The following MSN variants were observed in gnomAD, a reference collection of about 807,000 sequenced individuals.
MSN encodes the protein moesin.
MSN carries 2 observed loss-of-function variants against 48.0 expected under a neutral mutation model. That is an observed-to-expected ratio of 0.04 (90% CI 0.02 to 0.13). The LOEUF is 0.13. Ranked by LOEUF, MSN falls within the 10% of genes least tolerant of loss-of-function variation. The pLI is 1.00. For synonymous variants in MSN, 146 were observed against 166.9 expected (o/e 0.87, Z 0.97); for missense variants, 267 against 470.1 (o/e 0.57, Z 3.99).
In MSN at chrX:65,737,173, C is replaced by T; in HGVS notation, c.1091-5C>T. ...CACTGCCTTCTCCCCTCCTTTTCTG[C>T]TCAGAACTGGAAGAACAGACCCGTA... On this transcript the variant is annotated splice_region_variant and splice_polypyrimidine_tract_variant and intron_variant, in intron 9 of 12. Coordinates refer to ENST00000360270, the MANE Select transcript of MSN (RefSeq NM_002444.3). 1 of 1,202,130 alleles carries T rather than the reference C, an allele frequency of 8.3e-7. No homozygotes were observed. Among genetic ancestry groups the T allele is most frequent in the South Asian group, 1.8e-5 (1 of 55,397 alleles).
At chrX:65,724,113 C>T (rs2071543250) in intron 2 of MSN, among the ~76,000 whole-genome samples, 1 of 107,513 alleles carries the variant, frequency 9.3e-6, no homozygotes. Context: ...CTCAGAACTA[C>T]TTTAGTCACC....
At chrX:65,654,886 T>C (rs1243108052) in intron 1 of MSN, among the ~76,000 whole-genome samples, 1 of 111,415 alleles carries the variant, frequency 9.0e-6, no homozygotes, top group African/African-American at 3.3e-5. Flanking sequence ...GAGCTTTTTA[T>C]GCCAGGGTAA....
chrX:65,658,581 G>C (rs984166316), intron 1 of MSN, among the ~76,000 whole-genome samples: 4 of 111,539 alleles, frequency 3.6e-5, no homozygotes, highest in African/African-American at 1.3e-4. Context: ...GGGGTCAGGG[G>C]GATTCTTTTT....
chrX:65,607,244 T>C lies in MSN; in HGVS notation c.-22+18632T>C, dbSNP rs936901064. Among the ~76,000 whole-genome samples, 4 of 112,151 alleles carry C rather than the reference T, an allele frequency of 3.6e-5. No homozygotes were observed. The Admixed American group carries it at 3.8e-4, about 11-fold the overall frequency. ...AGTGCATGTAGTTTGACCACAAAGC[T>C]TGCCAGCTTACTCATCACACTATAA... On this transcript the variant is annotated intron_variant, in intron 1 of 3. Coordinates refer to the MSN transcript ENST00000609672.
At chrX:65,674,508 C>T (rs773595439) in intron 1 of MSN, among the ~76,000 whole-genome samples, 5 of 111,397 alleles carry the variant, frequency 4.5e-5, no homozygotes, top group East Asian at 5.6e-4. Context: ...CTGGGATCTC[C>T]GATGACTGTC....
At chrX:65,699,489 C>T (rs1014754216) in intron 1 of MSN, among the ~76,000 whole-genome samples, 3 of 111,992 alleles carry the variant, frequency 2.7e-5, no homozygotes, top group African/African-American at 9.7e-5. Context: ...GTGGCTCACG[C>T]CTGTAATCCC....
intron 1 of MSN, among the ~76,000 whole-genome samples, chrX:65,657,173 C>A (rs1357670163): frequency 1.8e-5 from 2 of 111,376 alleles, no homozygotes; most frequent in African/African-American, 3.3e-5. Context: ...TGACTGATGG[C>A]AGGGGTCAGG....
At chrX:65,738,893 C>A in intron 11 of MSN, 77 bp from the exon 12 acceptor site, 1 of 1,049,635 alleles carries the variant, frequency 9.5e-7, no homozygotes, top group South Asian at 2.1e-5. Context: ...TCTTGCCAGA[C>A]CGTTCTAGGC....
intron 1 of MSN, among the ~76,000 whole-genome samples, chrX:65,656,892 G>A: frequency 9.0e-6 from 1 of 111,646 alleles, no homozygotes; most frequent in Non-Finnish European, 1.9e-5. Context: ...GGGCTGGGAA[G>A]GTAAGTGTGT....
chrX:65,675,852 G>A (rs1032449438), intron 1 of MSN, among the ~76,000 whole-genome samples: 9 of 111,472 alleles, frequency 8.1e-5, no homozygotes, highest in Non-Finnish European at 1.7e-4. Flanking sequence ...TGGCCAGGCT[G>A]GTCTTGAACT....
chrX:65,638,838 G>C (rs751356046), intron 1 of MSN, among the ~76,000 whole-genome samples: 50 of 112,687 alleles, frequency 4.4e-4, no homozygotes, highest in African/African-American at 1.6e-3. Context: ...ACAGGTGTGA[G>C]CCACCACACC....
At chrX:65,732,898 C>T (rs1299924798) in intron 6 of MSN, among the ~76,000 whole-genome samples, 1 of 111,655 alleles carries the variant, frequency 9.0e-6, no homozygotes, top group East Asian at 2.8e-4. Flanking sequence ...GCTGAGCTGT[C>T]ACTGAGTCTA....
chrX:65,700,978 C>T (rs1042226168), intron 1 of MSN, among the ~76,000 whole-genome samples: 7 of 111,394 alleles, frequency 6.3e-5, no homozygotes, highest in African/African-American at 2.3e-4. Flanking sequence ...ATTTTAGACT[C>T]CTACCCTCAC....
chrX:65,718,964 G>A (rs1045892938), intron 2 of MSN, among the ~76,000 whole-genome samples: 15 of 111,519 alleles, frequency 1.3e-4, no homozygotes, highest in Non-Finnish European at 2.3e-4. Flanking sequence ...ACTTTGAATG[G>A]CAAAGTGTAA....
intron 2 of MSN, among the ~76,000 whole-genome samples, chrX:65,726,483 T>C (rs1239671601): frequency 9.0e-6 from 1 of 111,524 alleles, no homozygotes; most frequent in African/African-American, 3.3e-5. Flanking sequence ...AAATATGAGC[T>C]ACTTTTTTCT....
intron 1 of MSN, among the ~76,000 whole-genome samples, chrX:65,658,923 C>A (rs772591372): frequency 2.5e-4 from 27 of 109,402 alleles, no homozygotes; most frequent in African/African-American, 8.3e-4. Flanking sequence ...TGGCTCACTG[C>A]AACCTCCACC....
chrX:65,666,479 C>T (rs754257594), upstream of MSN, among the ~76,000 whole-genome samples: 5 of 109,666 alleles, frequency 4.6e-5, no homozygotes, highest in South Asian at 3.9e-4. Context: ...GGCACGTGCC[C>T]GGCTAATTTT....
Position 65,592,718 on chromosome X carries a change from G to A in MSN, c.-22+4106G>A, listed in dbSNP as rs149280662. The stretch of plus-strand genomic sequence containing the variant: ...GAAACTGGGATTTTTGGCAACAATC[G>A]GCAAGCAATTTCCTCTTCCAGATTA... On this transcript the variant is annotated intron_variant, in intron 1 of 3. Transcript: ENST00000609672. Among the ~76,000 whole-genome samples the A allele has an allele frequency of 8.0e-3, 882 of 110,794 alleles. 5 individuals are homozygous for A. Among genetic ancestry groups the A allele is most frequent in the Non-Finnish European group, 0.013 (694 of 52,882 alleles).
At chrX:65,628,656 C>G (rs1038560167) in intron 1 of MSN, among the ~76,000 whole-genome samples, 10 of 111,989 alleles carry the variant, frequency 8.9e-5, no homozygotes, top group African/African-American at 3.2e-4. Context: ...CTCCTTGCTA[C>G]TTATGCAAAT....
Sources: gnomAD v4.1 joint callset for allele counts (sites outside exome capture counted in the v4.1 genomes callset) on GRCh38, gnomAD v4.1.1 for gene constraint, MANE v1.5 for transcripts, NCBI Gene and HGNC (gene_info 2026-07-23, HGNC 2026-07-21) for gene names.